Variants in ASCC3 observed in about 807,000 individuals in gnomAD.
The protein encoded by ASCC3 is ASC-1 complex subunit P200.
In ASCC3, 158 loss-of-function variants were observed where a neutral mutation model predicts 256.3. The observed-to-expected ratio is 0.62, with a 90% CI of 0.54 to 0.70. The LOEUF (loss-of-function observed/expected upper bound fraction) is 0.70. Among genes scored for constraint, ASCC3 ranks in the 30% least tolerant of loss-of-function variants. The probability of loss-of-function intolerance (pLI) is 0.00; values close to 1 mark genes in which losing one functional copy is unlikely to be tolerated. For missense variants in ASCC3, 2,259 were observed against 2,626.0 expected (o/e 0.86, Z 3.05); for synonymous variants, 948 against 883.4 (o/e 1.07, Z -1.30).
At chr6:100,864,319 A>G in intron 2 of ASCC3, 105 bp from the exon 3 acceptor site, 1 of 1,013,022 alleles carries the variant, frequency 9.9e-7, no homozygotes, top group Non-Finnish European at 1.5e-6. Context: ...GGTACTACCC[A>G]CAAGAATTCA....
At chr6:100,873,928 T>G (rs1174412520) in intron 1 of ASCC3, among the ~76,000 whole-genome samples, 1 of 152,186 alleles carries the variant, frequency 6.6e-6, no homozygotes, top group African/African-American at 2.4e-5. Context: ...CTCCCTGAGA[T>G]CTTATCAAAA....
chr6:100,625,598 C>T (rs888157846), intron 29 of ASCC3, among the ~76,000 whole-genome samples: 12 of 151,888 alleles, frequency 7.9e-5, no homozygotes, highest in African/African-American at 2.9e-4. Context: ...TCTGAGTTGC[C>T]AAGGAAGGAG....
chr6:100,840,090 T>G (rs1045067586), intron 4 of ASCC3, among the ~76,000 whole-genome samples: 3 of 152,094 alleles, frequency 2.0e-5, no homozygotes, highest in African/African-American at 7.2e-5. Flanking sequence ...ATGAATAACC[T>G]AAAATAGCAG....
intron 4 of ASCC3, among the ~76,000 whole-genome samples, chr6:100,818,028 A>C (rs1011082402): frequency 1.3e-5 from 2 of 152,186 alleles, no homozygotes; most frequent in Admixed American, 6.5e-5. Context: ...CAAAAGCATC[A>C]ATATAGAAAA....
intron 13 of ASCC3, among the ~76,000 whole-genome samples, chr6:100,704,201 AGTACTATCTTTAGTG>A (rs1407110074): frequency 2.6e-5 from 4 of 152,016 alleles, no homozygotes; most frequent in African/African-American, 9.6e-5. Context: ...TTTCTTTAGT[AGTACTATCTTTAGTG>A]GTAAAGATGA....
intron 4 of ASCC3, among the ~76,000 whole-genome samples, chr6:100,813,706 G>A (rs1473338316): frequency 6.6e-6 from 1 of 151,926 alleles, no homozygotes; most frequent in African/African-American, 2.4e-5. Context: ...AATACAGAAT[G>A]GAGAGATGAA....
At chr6:100,819,217 TGAA>T (rs1296286675) in intron 4 of ASCC3, among the ~76,000 whole-genome samples, 1 of 151,820 alleles carries the variant, frequency 6.6e-6, no homozygotes, top group East Asian at 1.9e-4. Flanking sequence ...CTAAGGTAAA[TGAA>T]GAGTTGATGG....
chr6:100,561,128 G>GAA (rs1400783536), intron 36 of ASCC3, among the ~76,000 whole-genome samples: 4 of 107,156 alleles, frequency 3.7e-5, no homozygotes, highest in Admixed American at 1.9e-4. Flanking sequence ...TCTCCAAAAA[G>GAA]AAAAAAAAAA....
intron 23 of ASCC3, among the ~76,000 whole-genome samples, chr6:100,643,558 T>C (rs1392969): frequency 0.12 from 17,680 of 152,110 alleles, 2,033 homozygotes; most frequent in East Asian, 0.5. Flanking sequence ...ATAGTGTACG[T>C]AGACAAGCCA....
chr6:100,560,266 T>C (rs992288205), intron 36 of ASCC3, among the ~76,000 whole-genome samples: 7 of 152,134 alleles, frequency 4.6e-5, no homozygotes, highest in Non-Finnish European at 1.0e-4. Context: ...GGGTAAACTT[T>C]CGAGAAGTTA....
chr6:100,608,100 A>ATATAAATGTATATATATTTG (rs1773031812), intron 30 of ASCC3, among the ~76,000 whole-genome samples: 3 of 124,788 alleles, frequency 2.4e-5, no homozygotes, highest in East Asian at 4.4e-4. Flanking sequence ...CTATATACAC[A>ATATAAATGTATATATATTTG]TATATATGTA....
chr6:100,595,247 GTTAA>G (rs1158451535), intron 34 of ASCC3, among the ~76,000 whole-genome samples: 4 of 152,124 alleles, frequency 2.6e-5, no homozygotes, highest in Non-Finnish European at 4.4e-5. Context: ...TGATCGATAT[GTTAA>G]TTAGCCTGAT....
chr6:100,696,326 T>C (rs1778080166), intron 13 of ASCC3, among the ~76,000 whole-genome samples: 1 of 152,132 alleles, frequency 6.6e-6, no homozygotes, highest in Admixed American at 6.6e-5. Flanking sequence ...TGAATATTTA[T>C]CTCCTTTTTT....
Position 100,638,839 on chromosome 6 carries a change from G to T in ASCC3, c.3902-18C>A. 6.3e-7 allele frequency: 1 copy of T among 1,598,760 alleles called. No homozygotes were observed. Among genetic ancestry groups the T allele is most frequent in the African/African-American group, 1.3e-5 (1 of 74,768 alleles). ...CAGTAATTCTGAAAAGACCCAACAG[G>T]ATGGCTATACGACAATTGAAAAACA... is the stretch of plus-strand genomic sequence containing the variant. On this transcript the variant is annotated intron_variant, in intron 24 of 41. Coordinates refer to ENST00000369162, the MANE Select transcript of ASCC3 (RefSeq NM_006828.4).
At chr6:100,737,163 C>T (rs1168401929) in intron 10 of ASCC3, among the ~76,000 whole-genome samples, 8 of 141,206 alleles carry the variant, frequency 5.7e-5, no homozygotes, top group South Asian at 4.5e-4. Context: ...AAAAAAAAGG[C>T]GGGGGAGGCA....
intron 4 of ASCC3, among the ~76,000 whole-genome samples, chr6:100,835,741 T>C (rs1053407869): frequency 1.3e-5 from 2 of 152,170 alleles, no homozygotes; most frequent in African/African-American, 4.8e-5. Context: ...CAGGGTCTTC[T>C]GTGATTCCAT....
At chr6:100,587,739 A>G (rs1771778209) in intron 36 of ASCC3, among the ~76,000 whole-genome samples, 1 of 152,192 alleles carries the variant, frequency 6.6e-6, no homozygotes, top group Non-Finnish European at 1.5e-5. Flanking sequence ...AACTGACTTT[A>G]ATTAACAAAA....
rs1413920447 is a variant in ASCC3, at chr6:100,646,650, G to A, written c.3598C>T (p.Leu1200Phe). The change falls in exon 22 of 42, where the codon CTC becomes TTC. Residue 1200 changes from leucine to phenylalanine, a missense_variant. This residue lies in a region of ASCC3 where 1,839 missense variants were observed against 2,206.7 expected (regional missense o/e 0.83). Transcript: ENST00000369162. The stretch of plus-strand genomic sequence containing the variant: ...CAAGTGAAATCAGCATAGATGCTGA[G>A]TGTCACTCGGAGGACAGTCCTTGTG... Reference protein sequence around the residue: ...PITRTVLRVTLSIYADFTWND... With the variant: ...PITRTVLRVTFSIYADFTWND... The A allele has an allele frequency of 6.2e-7, 1 of 1,613,980 alleles. No homozygotes were observed. The highest frequency in any genetic ancestry group is 8.5e-7 in the Non-Finnish European group (1 of 1,179,898).
intron 13 of ASCC3, among the ~76,000 whole-genome samples, chr6:100,695,463 G>T (rs1036399112): frequency 1.3e-5 from 2 of 152,082 alleles, no homozygotes; most frequent in Non-Finnish European, 2.9e-5. Flanking sequence ...GAAATTTCTG[G>T]TGTTCCTACA....
Sources: gnomAD v4.1 joint callset for allele counts (sites outside exome capture counted in the v4.1 genomes callset) on GRCh38, gnomAD v4.1.1 for gene constraint, gnomAD v4.1.1 regional missense constraint, MANE v1.5 for transcripts, NCBI Gene and HGNC (gene_info 2026-07-23, HGNC 2026-07-21) for gene names.